The following IGDCC4 variants were observed in gnomAD, a reference collection of about 807,000 sequenced individuals.
The protein encoded by IGDCC4 is immunoglobulin superfamily DCC subclass member 4.
In IGDCC4, 72 loss-of-function variants were observed where a neutral mutation model predicts 116.6. The observed-to-expected ratio is 0.62, with a 90% CI of 0.51 to 0.75. The LOEUF is 0.75. Ranked by LOEUF, IGDCC4 falls within the 30% of genes least tolerant of loss-of-function variation. IGDCC4 has a pLI of 0.00. For synonymous variants in IGDCC4, 709 were observed against 719.9 expected (o/e 0.98, Z 0.24); for missense variants, 1,501 against 1,662.4 (o/e 0.90, Z 1.69).
In IGDCC4 at chr15:65,405,140, G is replaced by GT. The variant is rs59427953; in HGVS notation, c.564-2654_564-2653insA. Among the ~76,000 whole-genome samples, 65 of 131,928 alleles carry GT rather than the reference G, an allele frequency of 4.9e-4. 1 individual carries two copies. The South Asian group carries it at 0.016, about 32-fold the overall frequency. 86.5% of individuals were successfully genotyped at this position (131,928 alleles called of 152,430 possible). On this transcript the variant is annotated intron_variant, in intron 3 of 19. Transcript: ENST00000352385. ...AATATATTAGTTAGTGGGGGGGGGG[G>GT]AGTAAAAAAACAGTGTTTATGAAGA... is the stretch of plus-strand genomic sequence containing the variant.
intron 6 of IGDCC4, 186 bp from the exon 7 acceptor site, chr15:65,396,349 T>C: frequency 1.4e-6 from 1 of 709,786 alleles, no homozygotes. Flanking sequence ...CTTCTCCCCA[T>C]TTACCCCAGC....
chr15:65,396,222 C>CG (rs2062925247), intron 6 of IGDCC4, 59 bp from the exon 7 acceptor site: 3 of 1,294,568 alleles, frequency 2.3e-6, no homozygotes, highest in South Asian at 3.3e-5. Flanking sequence ...CTCTGCCCCC[C>CG]CCCCAGTACC....
intron 3 of IGDCC4, 103 bp downstream of exon 3, chr15:65,410,075 A>AG (rs759912139): frequency 7.4e-7 from 1 of 1,345,102 alleles, no homozygotes; most frequent in Non-Finnish European, 1.0e-6. Flanking sequence ...AAGTCAGCTT[A>AG]GGTAAATGCA....
chr15:65,410,469 C>A, intron 2 of IGDCC4, 150 bp from the exon 3 acceptor site: 1 of 868,280 alleles, frequency 1.2e-6, no homozygotes. Context: ...GAGGGAGACA[C>A]AACAAGAAGT....
intron 3 of IGDCC4, among the ~76,000 whole-genome samples, chr15:65,409,929 TGGGAAGGACTC>T: frequency 6.6e-6 from 1 of 152,154 alleles, no homozygotes; most frequent in Admixed American, 6.5e-5. Flanking sequence ...CTAGATGTGC[TGGGAAGGACTC>T]TACTACTACA....
chr15:65,401,771 C>G (rs1346680918), intron 4 of IGDCC4, among the ~76,000 whole-genome samples: 1 of 152,186 alleles, frequency 6.6e-6, no homozygotes, highest in African/African-American at 2.4e-5. Context: ...TGATAAGGAG[C>G]CCAGGGTCAT....
chr15:65,395,247 C>T lies in IGDCC4; in HGVS notation c.1423G>A (p.Val475Met), dbSNP rs200371924. ...TTGTTCACTGCAAACTGGTATTCCACATTGTCCATGCCTGGTGACACGGGG... is the reference window on the plus strand; with the variant it reads ...TTGTTCACTGCAAACTGGTATTCCATATTGTCCATGCCTGGTGACACGGGG... ...HYQKARGMDN[V>M]EYQFAVNNDT... The change falls in exon 8 of 20, where the codon GTG becomes ATG. Residue 475 changes from valine to methionine, a missense_variant. Physicochemically the swap from Val to Met is conservative, Grantham distance 21. Transcript: ENST00000352385. 1.5e-4 allele frequency: 235 copies of T among 1,612,880 alleles called. No homozygotes were observed. The highest frequency in any genetic ancestry group is 9.4e-5 in the Non-Finnish European group (111 of 1,179,184).
At position 65,411,007 on chromosome 15, in the gene IGDCC4, T is replaced by C. The variant is rs778566681; in HGVS notation, c.421+13A>G. On this transcript the variant is annotated intron_variant, in intron 2 of 19. Coordinates refer to ENST00000352385, the MANE Select transcript of IGDCC4 (RefSeq NM_020962.3). ...GTTTCAGCCTCAGACCCCCGCCCGA[T>C]GCAAGCACTTACTGGCAAGCTTGAC... The C allele has an allele frequency of 1.8e-5, 29 of 1,596,050 alleles. No individual in the cohort carries two copies. The South Asian group carries it at 2.9e-4, about 16-fold the overall frequency.
At chr15:65,386,760 T>A in intron 16 of IGDCC4, 104 bp from the exon 17 acceptor site, 1 of 812,492 alleles carries the variant, frequency 1.2e-6, no homozygotes, top group African/African-American at 1.7e-5. Flanking sequence ...AGCTGGACCC[T>A]CACCCTTCAG....
chr15:65,409,479 GA>G (rs2063069230), intron 3 of IGDCC4, among the ~76,000 whole-genome samples: 1 of 152,160 alleles, frequency 6.6e-6, no homozygotes, highest in Non-Finnish European at 1.5e-5. Context: ...TGAGTCATGA[GA>G]CCAACTCAGA....
chr15:65,394,572 G>A (rs2062902119), intron 8 of IGDCC4, 24 bp from the exon 9 acceptor site: 1 of 1,575,630 alleles, frequency 6.3e-7, no homozygotes, highest in East Asian at 2.3e-5. Flanking sequence ...ACATCAGCAT[G>A]AGCTCTGCTC....
At chr15:65,417,420 T>C (rs2063154602) in intron 1 of IGDCC4, among the ~76,000 whole-genome samples, 1 of 152,182 alleles carries the variant, frequency 6.6e-6, no homozygotes, top group Non-Finnish European at 1.5e-5. Context: ...TGAGACCCTC[T>C]ACCCCTCCAC....
intron 3 of IGDCC4, among the ~76,000 whole-genome samples, chr15:65,409,839 C>G (rs2063073542): frequency 6.6e-6 from 1 of 152,184 alleles, no homozygotes; most frequent in African/African-American, 2.4e-5. Flanking sequence ...CAACATTCTG[C>G]CAATGGCTCA....
At chr15:65,410,404 A>T (rs1567092315) in intron 2 of IGDCC4, 85 bp from the exon 3 acceptor site, 1 of 1,502,884 alleles carries the variant, frequency 6.7e-7, no homozygotes, top group African/African-American at 1.4e-5. Flanking sequence ...ACACATCCGC[A>T]TGGAGACACA....
chr15:65,417,258 C>T (rs1020030473), intron 1 of IGDCC4, among the ~76,000 whole-genome samples: 4 of 152,128 alleles, frequency 2.6e-5, no homozygotes, highest in African/African-American at 9.7e-5. Flanking sequence ...GCCCCTCCCC[C>T]CAACAGCTGG....
chr15:65,401,441 A>G (rs1274477157), intron 4 of IGDCC4, among the ~76,000 whole-genome samples: 1 of 152,124 alleles, frequency 6.6e-6, no homozygotes, highest in African/African-American at 2.4e-5. Flanking sequence ...TTTCCTGCCA[A>G]GTTCTTTGTG....
intron 18 of IGDCC4, chr15:65,385,507 C>T (rs943765974): frequency 3.5e-5 from 19 of 538,060 alleles, no homozygotes; most frequent in Non-Finnish European, 6.3e-5. Context: ...CGACTGGCCT[C>T]TTCTCCCCAC....
intron 4 of IGDCC4, among the ~76,000 whole-genome samples, chr15:65,402,139 G>A (rs2062993265): frequency 6.6e-6 from 1 of 152,230 alleles, no homozygotes; most frequent in African/African-American, 2.4e-5. Context: ...CCCTGCCCTT[G>A]GAGTCTGGGG....
rs931384911 is a variant in IGDCC4, at chr15:65,397,927, C to A, written c.842-938G>T. 2.6e-5 allele frequency among the ~76,000 whole-genome samples: 4 copies of A among 152,294 alleles called. 1 individual carries two copies. Among genetic ancestry groups the A allele is most frequent in the Non-Finnish European group, 5.9e-5 (4 of 68,022 alleles). On this transcript the variant is annotated intron_variant, in intron 5 of 19. Coordinates refer to ENST00000352385, the MANE Select transcript of IGDCC4 (RefSeq NM_020962.3). Reference sequence around the variant, plus strand: ...AACTGGAAAGGACTTAAAAATCCAACAGCAGGAACTGGTGAATTACATTAT... The same window carrying A: ...AACTGGAAAGGACTTAAAAATCCAAAAGCAGGAACTGGTGAATTACATTAT...
Sources: allele counts gnomAD v4.1 joint callset (sites outside exome capture counted in the v4.1 genomes callset), GRCh38; gene constraint gnomAD v4.1.1; transcripts MANE v1.5; gene names NCBI Gene and HGNC (gene_info 2026-07-23, HGNC 2026-07-21).